Variants in AKAP19 observed in about 807,000 individuals in gnomAD.
AKAP19 encodes the protein A-kinase anchoring protein 19, also known as small A-kinase anchoring protein.
At chr2:189,886,768 G>T in the AKAP19 span, among the ~76,000 whole-genome samples, 1 of 152,152 alleles carries the variant, frequency 6.6e-6, no homozygotes, top group South Asian at 2.1e-4. Context: ...AGAGGTACTA[G>T]GTATGAAACA....
At chr2:190,041,636 A>G in the AKAP19 span, among the ~76,000 whole-genome samples, 1 of 152,152 alleles carries the variant, frequency 6.6e-6, no homozygotes, top group Non-Finnish European at 1.5e-5. Flanking sequence ...CCTATTCAGT[A>G]TGTTGGCTGT....
chr2:190,002,322 A>C, the AKAP19 span, among the ~76,000 whole-genome samples: 1 of 152,074 alleles, frequency 6.6e-6, no homozygotes, highest in Non-Finnish European at 1.5e-5. Flanking sequence ...AGAAACCTTG[A>C]CCTTTTATCT....
chr2:190,089,788 A>G, the AKAP19 span, among the ~76,000 whole-genome samples: 1 of 152,188 alleles, frequency 6.6e-6, no homozygotes, highest in Non-Finnish European at 1.5e-5. Flanking sequence ...TTTTAAGAGT[A>G]AGTCTTGAGT....
At chr2:190,121,981 C>T in the AKAP19 span, among the ~76,000 whole-genome samples, 1 of 152,064 alleles carries the variant, frequency 6.6e-6, no homozygotes, top group Non-Finnish European at 1.5e-5. Flanking sequence ...AGTTTTAATG[C>T]TCTTGAAAAA....
At chr2:189,950,326 C>A in the AKAP19 span, among the ~76,000 whole-genome samples, 1 of 113,964 alleles carries the variant, frequency 8.8e-6, no homozygotes, top group African/African-American at 3.6e-5. Context: ...TGGCGCCCAG[C>A]CTTTTTTGTT....
chr2:190,184,597 C>T, the AKAP19 span, among the ~76,000 whole-genome samples: 1 of 152,106 alleles, frequency 6.6e-6, no homozygotes, highest in East Asian at 1.9e-4. Context: ...GACTTCAGTT[C>T]AAGAACAGAA....
At chr2:190,102,212 A>G in the AKAP19 span, among the ~76,000 whole-genome samples, 1 of 152,172 alleles carries the variant, frequency 6.6e-6, no homozygotes, top group African/African-American at 2.4e-5. Flanking sequence ...AGTTCATAGC[A>G]CTAAACACTT....
the AKAP19 span, among the ~76,000 whole-genome samples, chr2:190,148,953 CTTTT>C: frequency 7.5e-6 from 1 of 134,088 alleles, no homozygotes; most frequent in African/African-American, 2.8e-5. Flanking sequence ...TCTTTTCTTT[CTTTT>C]TTTTTTTTTT....
chr2:190,151,433 T>C, the AKAP19 span, among the ~76,000 whole-genome samples: 1 of 152,222 alleles, frequency 6.6e-6, no homozygotes, highest in African/African-American at 2.4e-5. Flanking sequence ...ATTGTTCAGC[T>C]TCTATCTGTA....
the AKAP19 span, among the ~76,000 whole-genome samples, chr2:190,002,915 G>A: frequency 6.6e-6 from 1 of 151,632 alleles, no homozygotes. Flanking sequence ...TTTTTATGTA[G>A]AAATTCAAAA....
At chr2:190,084,120 T>G in the AKAP19 span, among the ~76,000 whole-genome samples, 2 of 135,330 alleles carry the variant, frequency 1.5e-5, no homozygotes, top group African/African-American at 5.5e-5. Context: ...TGAGACAGAG[T>G]CTGGCTCTGT....
At chr2:189,892,691 T>G in the AKAP19 span, among the ~76,000 whole-genome samples, 1 of 152,188 alleles carries the variant, frequency 6.6e-6, no homozygotes. Flanking sequence ...AGGTGTCTCC[T>G]AGTCAGGAGG....
the AKAP19 span, among the ~76,000 whole-genome samples, chr2:189,882,066 T>C: frequency 6.6e-6 from 1 of 152,264 alleles, no homozygotes; most frequent in Non-Finnish European, 1.5e-5. Context: ...ATTTGTACCA[T>C]CAAATACCTA....
At chr2:190,130,721 T>C in the AKAP19 span, among the ~76,000 whole-genome samples, 11 of 152,214 alleles carry the variant, frequency 7.2e-5, no homozygotes, top group African/African-American at 2.7e-4. Flanking sequence ...AGTTTATTCC[T>C]ATGCTAAATA....
At chr2:189,884,419 G>A in the AKAP19 span, among the ~76,000 whole-genome samples, 2 of 151,944 alleles carry the variant, frequency 1.3e-5, no homozygotes, top group African/African-American at 4.8e-5. Context: ...TATCTATTTT[G>A]AAGTTATTTG....
chr2:189,930,060 G>A, the AKAP19 span, among the ~76,000 whole-genome samples: 1 of 152,124 alleles, frequency 6.6e-6, no homozygotes, highest in Non-Finnish European at 1.5e-5. Context: ...TTGGGTCAAG[G>A]CCTTACATAA....
chr2:189,945,762 T>C, the AKAP19 span, among the ~76,000 whole-genome samples: 1 of 152,224 alleles, frequency 6.6e-6, no homozygotes, highest in Non-Finnish European at 1.5e-5. Context: ...GTTATAGTTA[T>C]GGCAACTAAT....
chr2:189,990,329 T>C, the AKAP19 span, among the ~76,000 whole-genome samples: 1 of 152,196 alleles, frequency 6.6e-6, no homozygotes, highest in Non-Finnish European at 1.5e-5. Context: ...GCTCCTATTC[T>C]TTATTCCAAA....
chr2:190,111,105 C>T, the AKAP19 span, among the ~76,000 whole-genome samples: 1 of 151,912 alleles, frequency 6.6e-6, no homozygotes, highest in Admixed American at 6.6e-5. Flanking sequence ...GAGCACAGAG[C>T]CCCCCCAGAG....
Sources: allele counts gnomAD v4.1 joint callset (sites outside exome capture counted in the v4.1 genomes callset), GRCh38; gene constraint gnomAD v4.1.1; transcripts MANE v1.5; gene names NCBI Gene and HGNC (gene_info 2026-07-23, HGNC 2026-07-21).